The following KDM2B variants were observed in gnomAD, a reference collection of about 807,000 sequenced individuals.
The protein encoded by KDM2B is lysine-specific demethylase 2B.
KDM2B carries 26 observed loss-of-function variants against 150.0 expected under a neutral mutation model. The observed-to-expected ratio is 0.17, with a 90% CI of 0.13 to 0.24. The LOEUF (loss-of-function observed/expected upper bound fraction) is 0.24. Among genes scored for constraint, KDM2B ranks in the 10% least tolerant of loss-of-function variants. The pLI is 1.00. For missense variants in KDM2B, 1,265 were observed against 1,816.9 expected (o/e 0.70, Z 5.52); for synonymous variants, 734 against 729.5 (o/e 1.01, Z -0.10).
At chr12:121,526,182 T>A (rs1438993280) in intron 8 of KDM2B, among the ~76,000 whole-genome samples, 2 of 152,038 alleles carry the variant, frequency 1.3e-5, no homozygotes, top group African/African-American at 4.8e-5. Flanking sequence ...TGAAACCCCG[T>A]CTCTACTAAA....
chr12:121,438,582 G>C (rs10444490), intron 22 of KDM2B, among the ~76,000 whole-genome samples: 83,720 of 151,892 alleles, frequency 0.55, 23,379 homozygotes, highest in East Asian at 0.68. Flanking sequence ...GGTTCTTTGC[G>C]TCCACGAGGT....
intron 12 of KDM2B, among the ~76,000 whole-genome samples, chr12:121,464,125 C>T (rs1879496338): frequency 6.6e-6 from 1 of 152,088 alleles, no homozygotes; most frequent in Non-Finnish European, 1.5e-5. Context: ...CCTGGCTACT[C>T]AGGAGGCTGA....
intron 6 of KDM2B, among the ~76,000 whole-genome samples, chr12:121,535,147 AG>A (rs2141593721): frequency 6.6e-6 from 1 of 152,144 alleles, no homozygotes; most frequent in Admixed American, 6.5e-5. Context: ...AGAATGCAGA[AG>A]ACCCCTGCCC....
intron 1 of KDM2B, chr12:121,580,513 A>G: frequency 8.1e-7 from 1 of 1,237,648 alleles, no homozygotes; most frequent in Non-Finnish European, 1.0e-6. Context: ...AGTTGTGTGC[A>G]GAGCTGACTT....
chr12:121,426,669 A>G (rs1872530425), downstream of KDM2B, among the ~76,000 whole-genome samples: 1 of 137,036 alleles, frequency 7.3e-6, no homozygotes, highest in Non-Finnish European at 1.5e-5. Flanking sequence ...TCTGTTGCCC[A>G]GGCTGAAGTT....
At chr12:121,526,289 G>C (rs567788498) in intron 8 of KDM2B, among the ~76,000 whole-genome samples, 3 of 152,100 alleles carry the variant, frequency 2.0e-5, no homozygotes, top group Non-Finnish European at 4.4e-5. Flanking sequence ...GGAGGTAAAA[G>C]TTGCAGTGAG....
chr12:121,573,134 T>C (rs1891239417), intron 4 of KDM2B, among the ~76,000 whole-genome samples: 1 of 150,434 alleles, frequency 6.6e-6, no homozygotes, highest in Non-Finnish European at 1.5e-5. Context: ...TAATTTTTTT[T>C]TTTTTTTAGA....
chr12:121,509,867 C>A lies in KDM2B; in HGVS notation c.1347G>T (p.Thr449=). 1 of 1,613,848 alleles carries A rather than the reference C, an allele frequency of 6.2e-7. No individual in the cohort carries two copies. Among genetic ancestry groups the A allele is most frequent in the Non-Finnish European group, 8.5e-7 (1 of 1,179,982 alleles). The part of the protein sequence containing the change: ...PTDGSTSPTS[T]PSEDQEALGK... ...CGAGGGCCTCCTGGTCCTCAGAGGGCGTGCTGGTGGGTGAAGTGGAGCCAT... is the reference window on the plus strand; with the variant it reads ...CGAGGGCCTCCTGGTCCTCAGAGGGAGTGCTGGTGGGTGAAGTGGAGCCAT... Residue 449 remains threonine (T), a synonymous_variant, in exon 11 of 23, where the codon ACG becomes ACT. Coordinates refer to ENST00000377071, the MANE Select transcript of KDM2B (RefSeq NM_032590.5).
chr12:121,485,686 A>G (rs1360532804), intron 12 of KDM2B, among the ~76,000 whole-genome samples: 1 of 151,994 alleles, frequency 6.6e-6, no homozygotes, highest in Non-Finnish European at 1.5e-5. Flanking sequence ...GGGTGATGAA[A>G]GGGTCCTGGA....
At chr12:121,417,464 G>T in the KDM2B span, 3 of 1,558,740 alleles carry the variant, frequency 1.9e-6, no homozygotes, top group Non-Finnish European at 2.6e-6. The surrounding 1 kb of genome is among the most constrained non-coding windows in gnomAD (Gnocchi z 5.0). Flanking sequence ...TTTCATAATG[G>T]TTTATATCTT....
intron 11 of KDM2B, among the ~76,000 whole-genome samples, chr12:121,498,772 T>A (rs1192451456): frequency 1.3e-5 from 2 of 152,146 alleles, no homozygotes; most frequent in African/African-American, 4.8e-5. Flanking sequence ...TTACTGCAGT[T>A]CTAAGTACTA....
At chr12:121,440,705 G>A in intron 21 of KDM2B, 111 bp downstream of exon 21, 1 of 1,065,758 alleles carries the variant, frequency 9.4e-7, no homozygotes, top group Non-Finnish European at 1.4e-6. Flanking sequence ...TGGCAGCAGA[G>A]ACTCATCCCT....
the KDM2B span, chr12:121,418,045 G>A: frequency 1.1e-6 from 1 of 950,614 alleles, no homozygotes. Flanking sequence ...ACACCCAGCT[G>A]AACTCTGCAC....
chr12:121,543,521 A>T lies in KDM2B; in HGVS notation c.683+5356T>A, dbSNP rs189856783. ...GCCATCTCTACAAATTTAAAAAAAA[A>T]TTTTTTAATTTTTAAAAAGATCAGC... On this transcript the variant is annotated intron_variant, in intron 6 of 22. Transcript: ENST00000377071. Among the ~76,000 whole-genome samples the T allele has an allele frequency of 9.0e-3, 1,372 of 151,878 alleles. 4 individuals are homozygous for T. The highest frequency in any genetic ancestry group is 0.014 in the South Asian group (69 of 4,802).
intron 12 of KDM2B, among the ~76,000 whole-genome samples, chr12:121,487,733 T>C (rs1268742152): frequency 1.4e-5 from 2 of 147,406 alleles, no homozygotes; most frequent in Admixed American, 1.4e-4. Context: ...ATCACTCCCC[T>C]CCAAAGAGCC....
intron 4 of KDM2B, among the ~76,000 whole-genome samples, chr12:121,565,665 C>T (rs1173603463): frequency 6.6e-6 from 1 of 151,974 alleles, no homozygotes; most frequent in Non-Finnish European, 1.5e-5. Context: ...CGTTCTGTTG[C>T]CCAGGCTGGA....
chr12:121,426,780 A>C (rs1387640084), downstream of KDM2B, among the ~76,000 whole-genome samples: 2 of 150,848 alleles, frequency 1.3e-5, no homozygotes, highest in African/African-American at 4.9e-5. Context: ...TGCATACTAC[A>C]CTCCCAGCTA....
At chr12:121,412,230 CTTTTTT>C in the KDM2B span, among the ~76,000 whole-genome samples, 4 of 49,610 alleles carry the variant, frequency 8.1e-5, no homozygotes, top group Non-Finnish European at 1.5e-4. Context: ...CCCAACTAAT[CTTTTTT>C]TTTTTTTTTT....
chr12:121,567,204 C>T (rs1555315144), intron 4 of KDM2B, among the ~76,000 whole-genome samples: 1 of 151,764 alleles, frequency 6.6e-6, no homozygotes, highest in Non-Finnish European at 1.5e-5. Context: ...ATATATATAT[C>T]TGACAAAAGA....
Sources: gnomAD v4.1 joint callset for allele counts (sites outside exome capture counted in the v4.1 genomes callset) on GRCh38, gnomAD v4.1.1 for gene constraint, Gnocchi (gnomAD v3.1) non-coding constraint, MANE v1.5 for transcripts, NCBI Gene and HGNC (gene_info 2026-07-23, HGNC 2026-07-21) for gene names.